The following GOLM2 variants were observed in gnomAD, a reference collection of about 807,000 sequenced individuals.
GOLM2 encodes the protein protein GOLM2.
In GOLM2, 26 loss-of-function variants were observed where a neutral mutation model predicts 55.9. That is an observed-to-expected ratio of 0.47 (90% CI 0.34 to 0.65). The LOEUF (loss-of-function observed/expected upper bound fraction) is 0.65. GOLM2 is among the 30% of genes least tolerant of loss of function. GOLM2 has a pLI of 0.01. For missense variants in GOLM2, 486 were observed against 531.8 expected, an observed-to-expected ratio of 0.91 and a Z score of 0.85; for synonymous variants, 165 against 194.6, an observed-to-expected ratio of 0.85 and a Z score of 1.27.
intron 4 of GOLM2, among the ~76,000 whole-genome samples, chr15:44,333,730 T>TG (rs998955997): frequency 2.0e-5 from 3 of 152,114 alleles, no homozygotes; most frequent in African/African-American, 7.2e-5. Flanking sequence ...TCTCTTTTTT[T>TG]TTTTGAGATG....
intron 1 of GOLM2, among the ~76,000 whole-genome samples, chr15:44,303,886 C>T (rs1052708400): frequency 1.3e-5 from 2 of 151,856 alleles, no homozygotes; most frequent in Non-Finnish European, 2.9e-5. Flanking sequence ...CAGACATGCA[C>T]CACCAGGCCT....
At chr15:44,322,906 CA>C in intron 1 of GOLM2, 58 bp from the exon 2 acceptor site, 12 of 1,270,052 alleles carry the variant, frequency 9.4e-6, no homozygotes, top group Admixed American at 6.8e-5. Context: ...GAATATGAAC[CA>C]AAAAAATGAA....
Position 44,414,379 on chromosome 15 carries a change from T to A in GOLM2, c.*973T>A, listed in dbSNP as rs1016018682. 1 of 152,244 alleles carries A rather than the reference T, an allele frequency of 6.6e-6. No individual in the cohort carries two copies. Among genetic ancestry groups the A allele is most frequent in the African/African-American group, 2.4e-5 (1 of 41,462 alleles). The allele number at this position is 152,244 out of a possible 1,614,324, so 9.4% of individuals were successfully genotyped here. On this transcript the variant is annotated 3_prime_UTR_variant, in exon 10 of 10. Coordinates refer to ENST00000299957, the MANE Select transcript of GOLM2 (RefSeq NM_138423.4). ...GAGATAACCTGCAAAGACATAACAG[T>A]ATTTATGAGTTATATCTTAGTTCTT...
At chr15:44,321,524 G>T (rs553096926) in intron 1 of GOLM2, among the ~76,000 whole-genome samples, 1 of 151,124 alleles carries the variant, frequency 6.6e-6, no homozygotes, top group East Asian at 1.9e-4. Context: ...TCTTTGTGAT[G>T]ATAAAAGTAT....
chr15:44,409,592 C>CAAAAAAAAAAAAAAA (rs60091801), intron 9 of GOLM2: 1 of 17,008 alleles, frequency 5.9e-5, no homozygotes, highest in Non-Finnish European at 1.2e-4. Flanking sequence ...CCCTCTCTCT[C>CAAAAAAAAAAAAAAA]AAAAAAAAAA....
At chr15:44,336,639 G>A (rs1242844093) in intron 4 of GOLM2, among the ~76,000 whole-genome samples, 3 of 151,848 alleles carry the variant, frequency 2.0e-5, no homozygotes, top group African/African-American at 7.3e-5. Context: ...TGTTGTGGCC[G>A]GGTACGGTGG....
chr15:44,343,880 T>C (rs955300961), intron 6 of GOLM2, among the ~76,000 whole-genome samples: 3 of 151,624 alleles, frequency 2.0e-5, no homozygotes, highest in Admixed American at 6.6e-5. Context: ...TGGACTGTTA[T>C]ATATACTGAC....
At chr15:44,292,565 AG>A (rs1255748445) in intron 1 of GOLM2, among the ~76,000 whole-genome samples, 2 of 152,114 alleles carry the variant, frequency 1.3e-5, no homozygotes, top group Admixed American at 6.6e-5. Context: ...TATGTTGCCC[AG>A]GCTGCTTTCA....
At chr15:44,314,365 C>T (rs757699157) in intron 1 of GOLM2, among the ~76,000 whole-genome samples, 3 of 151,966 alleles carry the variant, frequency 2.0e-5, no homozygotes, top group African/African-American at 7.3e-5. Flanking sequence ...TCGAGACCAT[C>T]CTGGCCAACA....
chr15:44,363,065 C>G (rs1279189597), intron 6 of GOLM2, among the ~76,000 whole-genome samples: 1 of 152,064 alleles, frequency 6.6e-6, no homozygotes, highest in African/African-American at 2.4e-5. Context: ...AAGACTTAAA[C>G]GTTAGACCTA....
At chr15:44,297,506 T>G (rs2078764290) in intron 1 of GOLM2, among the ~76,000 whole-genome samples, 2 of 152,180 alleles carry the variant, frequency 1.3e-5, no homozygotes, top group African/African-American at 2.4e-5. Context: ...GTTCCTGCTG[T>G]TTGACTCTTA....
chr15:44,304,885 A>G (rs2078825932), intron 1 of GOLM2, among the ~76,000 whole-genome samples: 1 of 152,216 alleles, frequency 6.6e-6, no homozygotes, highest in Non-Finnish European at 1.5e-5. Context: ...TTTGTACCAC[A>G]TCTGCAGTTA....
At chr15:44,340,222 A>C (rs2079082253) in intron 6 of GOLM2, among the ~76,000 whole-genome samples, 1 of 149,982 alleles carries the variant, frequency 6.7e-6, no homozygotes, top group East Asian at 2.0e-4. Flanking sequence ...CTAGGATTAC[A>C]AACATGGGTC....
At chr15:44,317,904 C>T (rs964787192) in intron 1 of GOLM2, among the ~76,000 whole-genome samples, 16 of 152,222 alleles carry the variant, frequency 1.1e-4, no homozygotes, top group African/African-American at 3.1e-4. Flanking sequence ...TCTCCTTTTA[C>T]GCCTGTATAT....
At position 44,387,993 on chromosome 15, in the gene GOLM2, G is replaced by T. The variant is rs1004339582; in HGVS notation, c.1072+7017G>T. Among the ~76,000 whole-genome samples, 86 of 150,794 alleles carry T rather than the reference G, an allele frequency of 5.7e-4. 2 individuals carry two copies. Among genetic ancestry groups the T allele is most frequent in the Admixed American group, 5.3e-4 (8 of 15,152 alleles). ...TGTTCTTTTTTTTGTTTTTGAGACG[G>T]AGTCTTGCTCTGTTGGCCAGGCTGG... On this transcript the variant is annotated intron_variant, in intron 8 of 9. Coordinates refer to ENST00000299957, the MANE Select transcript of GOLM2 (RefSeq NM_138423.4).
chr15:44,391,905 C>G (rs923039956), intron 8 of GOLM2, among the ~76,000 whole-genome samples: 3 of 152,074 alleles, frequency 2.0e-5, no homozygotes, highest in African/African-American at 7.2e-5. Context: ...GGCTGGAGTG[C>G]AATGGCACAA....
rs117364504 is a variant in GOLM2, at chr15:44,304,795, T to A, written c.327+15439T>A. Among the ~76,000 whole-genome samples the A allele has an allele frequency of 2.3e-4, 35 of 151,990 alleles. No homozygotes were observed. In the East Asian group the frequency reaches 6.8e-3, roughly 29 times the overall value. ...GTTTCAAACTCCCATACTCAAGTGA[T>A]CCTCCTGCCCTGGCTTCCCAAAGTA... On this transcript the variant is annotated intron_variant, in intron 1 of 9. Coordinates refer to ENST00000299957, the MANE Select transcript of GOLM2 (RefSeq NM_138423.4).
chr15:44,394,212 A>C (rs1567042865), intron 8 of GOLM2, among the ~76,000 whole-genome samples: 1 of 152,222 alleles, frequency 6.6e-6, no homozygotes, highest in East Asian at 1.9e-4. Context: ...CTCAGAGGTT[A>C]TCTCTCAGAA....
chr15:44,402,861 G>T, intron 8 of GOLM2, 26 bp from the exon 9 acceptor site: 1 of 1,611,212 alleles, frequency 6.2e-7, no homozygotes, highest in South Asian at 1.1e-5. Context: ...CTTTACTCTT[G>T]AATTAATCCT....
Sources: gnomAD v4.1 joint callset for allele counts (sites outside exome capture counted in the v4.1 genomes callset) on GRCh38, gnomAD v4.1.1 for gene constraint, MANE v1.5 for transcripts, NCBI Gene and HGNC (gene_info 2026-07-23, HGNC 2026-07-21) for gene names.